Variants in AREL1 observed in about 807,000 individuals in gnomAD.
AREL1 encodes the protein apoptosis resistant E3 ubiquitin protein ligase 1.
AREL1 carries 62 observed loss-of-function variants against 99.0 expected under a neutral mutation model. The ratio of observed to expected loss-of-function variants is 0.63; its 90% CI spans 0.51 to 0.77. The LOEUF is 0.77. Ranked by LOEUF, AREL1 falls within the 30% of genes least tolerant of loss-of-function variation. The pLI is 0.00. For missense variants in AREL1, 879 were observed against 1,027.6 expected (o/e 0.86, Z 1.98); for synonymous variants, 380 against 376.5 (o/e 1.01, Z -0.11).
chr14:74,672,901 C>A lies in AREL1; in HGVS notation c.1352G>T (p.Arg451Leu). 6.2e-7 allele frequency: 1 copy of A among 1,614,106 alleles called. No homozygotes were observed. Among genetic ancestry groups the A allele is most frequent in the Non-Finnish European group, 8.5e-7 (1 of 1,180,012 alleles). ...DKVNFFQREL[R>L]QVHMKRPHSK... Reference sequence around the variant, plus strand: ...ATGTGGTCTTTTCATATGTACCTGCCGAAGCTCTCGCTGGAAAAAGTTCAC... The same window carrying A: ...ATGTGGTCTTTTCATATGTACCTGCAGAAGCTCTCGCTGGAAAAAGTTCAC... Residue 451 changes from arginine (R) to leucine (L), a missense_variant, in exon 11 of 20, where the codon CGG becomes CTG. Transcript: ENST00000356357.
chr14:74,687,171 C>T (rs1321842484), intron 2 of AREL1, among the ~76,000 whole-genome samples: 1 of 152,194 alleles, frequency 6.6e-6, no homozygotes, highest in East Asian at 1.9e-4. Flanking sequence ...AGGGAAGTTA[C>T]AGCACTCAGC....
chr14:74,661,470 G>A lies in AREL1; in HGVS notation c.*2250C>T. 1.3e-5 allele frequency: 4 copies of A among 317,340 alleles called. No homozygotes were observed. The highest frequency in any genetic ancestry group is 9.7e-5 in the East Asian group (1 of 10,276). The allele number at this position is 317,340 out of a possible 1,614,324, so 19.7% of individuals were successfully genotyped here. A position where few individuals can be genotyped will look rare whatever the true frequency, so the allele number is the denominator to read the frequency against. ...GGGTAGCTGGCCCCCCAAGTACCTG[G>A]GTCACAAGGACATAAATAAAAGAAC... On this transcript the variant is annotated 3_prime_UTR_variant, in exon 20 of 20. Transcript: ENST00000356357.
At chr14:74,664,811 A>G (rs558761373) in intron 18 of AREL1, 25 bp downstream of exon 18, 22 of 1,604,142 alleles carry the variant, frequency 1.4e-5, no homozygotes, top group African/African-American at 1.3e-4. Context: ...CACAAATCCA[A>G]CTGAAAGAAG....
intron 17 of AREL1, among the ~76,000 whole-genome samples, chr14:74,666,694 A>G (rs993287028): frequency 6.6e-6 from 1 of 150,638 alleles, no homozygotes; most frequent in African/African-American, 2.5e-5. Flanking sequence ...GGTACATGAT[A>G]TTAACATTCT....
intron 2 of AREL1, among the ~76,000 whole-genome samples, chr14:74,691,628 T>C (rs1341888621): frequency 6.6e-6 from 1 of 152,172 alleles, no homozygotes; most frequent in Non-Finnish European, 1.5e-5. Flanking sequence ...AGTGCAGAAA[T>C]ATCACTTGCT....
chr14:74,667,174 T>G, intron 17 of AREL1, 145 bp downstream of exon 17: 1 of 843,346 alleles, frequency 1.2e-6, no homozygotes. Flanking sequence ...GAAGGGTCAA[T>G]GAATGGAGGA....
intron 1 of AREL1, among the ~76,000 whole-genome samples, chr14:74,694,087 T>C (rs1031291003): frequency 4.6e-5 from 7 of 151,860 alleles, no homozygotes; most frequent in Non-Finnish European, 8.8e-5. Flanking sequence ...GAGGTGGGGG[T>C]TGGCTTGAGC....
rs772277015 is a variant in AREL1 at position 74,713,053 on chromosome 14, C to A, written c.-454G>T. On this transcript the variant is annotated 5_prime_UTR_variant, in exon 1 of 20. Coordinates refer to ENST00000356357, the MANE Select transcript of AREL1 (RefSeq NM_001039479.2). ...CAACAGACCCCAGAGTTGGTCTCCA[C>A]CCGGCCTGGGAACCGGCTCGGGGGA... 9 of 1,494,708 alleles carry A rather than the reference C, an allele frequency of 6.0e-6. No individual in the cohort carries two copies. The highest frequency in any genetic ancestry group is 2.3e-5 in the East Asian group (1 of 44,224). The allele number at this position is 1,494,708 out of a possible 1,614,324, so 92.6% of individuals were successfully genotyped here. A position where few individuals can be genotyped will look rare whatever the true frequency, so the allele number is the denominator to read the frequency against.
intron 4 of AREL1, among the ~76,000 whole-genome samples, chr14:74,683,926 C>T (rs1157581754): frequency 6.6e-6 from 1 of 152,174 alleles, no homozygotes; most frequent in African/African-American, 2.4e-5. Context: ...TGAACTAAAG[C>T]GTTACCAGAC....
At chr14:74,694,946 G>C (rs373653295) in intron 1 of AREL1, among the ~76,000 whole-genome samples, 2 of 142,870 alleles carry the variant, frequency 1.4e-5, no homozygotes, top group Non-Finnish European at 3.0e-5. Context: ...CCAAGATTGC[G>C]CCACTGCACT....
In AREL1 at chr14:74,686,237, T is replaced by C. The variant is rs564642758; in HGVS notation, c.-45-577A>G. Among the ~76,000 whole-genome samples, 9 of 152,332 alleles carry C rather than the reference T, an allele frequency of 5.9e-5. No homozygotes were observed. In the East Asian group the frequency reaches 1.7e-3, roughly 29 times the overall value. On this transcript the variant is annotated intron_variant, in intron 2 of 19. Transcript: ENST00000356357. Reference sequence around the variant, plus strand: ...TGCTGTTACCAATCAGACAAACTAATGGGCCCTCTGGAAGATGAGCTCAGC... The same window carrying C: ...TGCTGTTACCAATCAGACAAACTAACGGGCCCTCTGGAAGATGAGCTCAGC...
intron 2 of AREL1, among the ~76,000 whole-genome samples, chr14:74,685,941 G>A (rs1425401487): frequency 1.3e-5 from 2 of 152,154 alleles, no homozygotes; most frequent in East Asian, 3.8e-4. Context: ...CAGTAACATG[G>A]CTTTCATCTT....
At position 74,697,081 on chromosome 14, in the gene AREL1, G is replaced by A. The variant is rs185233962; in HGVS notation, c.-333-4753C>T. The stretch of plus-strand genomic sequence containing the variant: ...GATCTCCTAAGCCCAGAAGTTTGAG[G>A]CTACAGTGAGCTGTGATCACACCAC... On this transcript the variant is annotated intron_variant, in intron 1 of 19. Transcript: ENST00000356357. Among the ~76,000 whole-genome samples, 157 of 152,204 alleles carry A rather than the reference G, an allele frequency of 1.0e-3. 1 individual carries two copies. The highest frequency in any genetic ancestry group is 3.5e-3 in the African/African-American group (147 of 41,524).
Position 74,685,618 on chromosome 14 carries a change from G to T in AREL1, c.-3C>A. 1 of 1,614,140 alleles carries T rather than the reference G, an allele frequency of 6.2e-7. No homozygotes were observed. The highest frequency in any genetic ancestry group is 8.5e-7 in the Non-Finnish European group (1 of 1,180,016). ...AACGTACCAATAACGTAAAACATCA[G>T]GTCCCGTCAATGCCAACAGACAGCC... On this transcript the variant is annotated 5_prime_UTR_variant, in exon 3 of 20. It adds an upstream start codon to the 5' untranslated region. Coordinates refer to ENST00000356357, the MANE Select transcript of AREL1 (RefSeq NM_001039479.2).
Position 74,670,881 on chromosome 14 carries a change from A to G in AREL1, c.1499-10T>C. ...CCTCCCCAGTCCAGAGCTGAAAAGCATAATGAAAATAAAAAATGACTCTGC... is the reference window on the plus strand; with the variant it reads ...CCTCCCCAGTCCAGAGCTGAAAAGCGTAATGAAAATAAAAAATGACTCTGC... On this transcript the variant is annotated splice_polypyrimidine_tract_variant and intron_variant, in intron 12 of 19. Transcript: ENST00000356357. 6.2e-7 allele frequency: 1 copy of G among 1,612,418 alleles called. No homozygotes were observed. The highest frequency in any genetic ancestry group is 1.7e-4 in the Middle Eastern group (1 of 6,060).
At position 74,669,711 on chromosome 14, in the gene AREL1, T is replaced by C. The variant is rs1250467124; in HGVS notation, c.1852A>G (p.Met618Val). 2 of 1,614,192 alleles carry C rather than the reference T, an allele frequency of 1.2e-6. No individual in the cohort carries two copies. Among genetic ancestry groups the C allele is most frequent in the East Asian group, 2.2e-5 (1 of 44,878 alleles). ...GCAAAGACCAGCTCCATCTCACTCA[T>C]GTCATTGTTGAGGATAAAACAAACT... ...SKVCFILNND[M>V]SEMELVFAEE... Residue 618 changes from methionine to valine, a missense_variant, in exon 15 of 20, where the codon ATG (methionine) becomes GTG (valine). Coordinates refer to ENST00000356357, the MANE Select transcript of AREL1 (RefSeq NM_001039479.2).
At chr14:74,679,381 T>A (rs2089575245) in intron 5 of AREL1, among the ~76,000 whole-genome samples, 1 of 151,998 alleles carries the variant, frequency 6.6e-6, no homozygotes, top group Admixed American at 6.6e-5. Flanking sequence ...ATGACTATGC[T>A]ACTGCACGCC....
rs1482224518 is a variant in AREL1, at chr14:74,669,890, A to G, written c.1788+57T>C. 4 of 1,580,674 alleles carry G rather than the reference A, an allele frequency of 2.5e-6. No individual in the cohort carries two copies. The African/African-American group carries it at 5.4e-5, about 21-fold the overall frequency. ...AAATTATTTACAAGCCCAGGAGGAG[A>G]GATTTCAGGGTTAATGGCCAGGGGC... On this transcript the variant is annotated intron_variant, in intron 14 of 19. Transcript: ENST00000356357.
At chr14:74,706,405 C>A (rs1230390553) in intron 1 of AREL1, among the ~76,000 whole-genome samples, 2 of 152,098 alleles carry the variant, frequency 1.3e-5, no homozygotes, top group African/African-American at 4.8e-5. Context: ...CCATTACTTT[C>A]AATTCTGTGC....
Sources: gnomAD v4.1 joint callset for allele counts (sites outside exome capture counted in the v4.1 genomes callset) on GRCh38, gnomAD v4.1.1 for gene constraint, MANE v1.5 for transcripts, NCBI Gene and HGNC (gene_info 2026-07-23, HGNC 2026-07-21) for gene names.